Variants in PGAP1 observed in about 807,000 individuals in gnomAD.
PGAP1 encodes the protein GPI inositol-deacylase.
A neutral mutation model predicts 127.0 loss-of-function variants in PGAP1; 76 were observed. The ratio of observed to expected loss-of-function variants is 0.60; its 90% CI spans 0.50 to 0.72. The LOEUF (loss-of-function observed/expected upper bound fraction) is 0.72, where lower values mean the gene tolerates loss of function less well. PGAP1 is among the 30% of genes least tolerant of loss of function. PGAP1 has a pLI of 0.00. For synonymous variants in PGAP1, 362 were observed against 366.5 expected, an observed-to-expected ratio of 0.99 and a Z score of 0.14; for missense variants, 982 against 1,071.3, an observed-to-expected ratio of 0.92 and a Z score of 1.16.
At chr2:196,865,986 T>C (rs1176226470) in intron 19 of PGAP1, among the ~76,000 whole-genome samples, 1 of 152,100 alleles carries the variant, frequency 6.6e-6, no homozygotes, top group African/African-American at 2.4e-5. Context: ...CACAAATAAA[T>C]GGAAAAACAT....
chr2:196,885,710 A>ATGCTATATG, intron 11 of PGAP1, 124 bp downstream of exon 11: 1 of 728,956 alleles, frequency 1.4e-6, no homozygotes, highest in Non-Finnish European at 2.0e-6. Context: ...TTTCATTTTA[A>ATGCTATATG]AAACAATATT....
At chr2:196,890,152 C>T (rs1702052787) in intron 10 of PGAP1, among the ~76,000 whole-genome samples, 2 of 152,040 alleles carry the variant, frequency 1.3e-5, no homozygotes, top group East Asian at 3.9e-4. Context: ...CCAGGCTGGT[C>T]TCAAACTCCT....
At chr2:196,890,000 T>C (rs1028415728) in intron 10 of PGAP1, among the ~76,000 whole-genome samples, 1 of 151,948 alleles carries the variant, frequency 6.6e-6, no homozygotes, top group Admixed American at 6.6e-5. Context: ...AGTGGCGTGA[T>C]CTCAACTCAT....
In PGAP1 at chr2:196,837,770, T is replaced by C. The variant is rs957374170; in HGVS notation, c.*3464A>G. On this transcript the variant is annotated 3_prime_UTR_variant, in exon 27 of 27. Transcript: ENST00000354764. ...CACTATGCCTATTACAGTTATTTCTTCTTTTTTCCTTACTATATAATCATG... is the reference window on the plus strand; with the variant it reads ...CACTATGCCTATTACAGTTATTTCTCCTTTTTTCCTTACTATATAATCATG... 2.0e-5 allele frequency: 3 copies of C among 152,232 alleles called. No homozygotes were observed. The highest frequency in any genetic ancestry group is 4.4e-5 in the Non-Finnish European group (3 of 68,042). 9.4% of individuals were successfully genotyped at this position (152,232 alleles called of 1,614,324 possible).
intron 22 of PGAP1, 113 bp from the exon 23 acceptor site, chr2:196,846,130 C>T: frequency 1.9e-6 from 1 of 539,984 alleles, no homozygotes; most frequent in Non-Finnish European, 2.9e-6. Flanking sequence ...TATGCAAATA[C>T]ATAAGGTAAA....
chr2:196,902,459 G>C, intron 5 of PGAP1, 126 bp downstream of exon 5: 1 of 654,140 alleles, frequency 1.5e-6, no homozygotes, highest in Non-Finnish European at 2.5e-6. Flanking sequence ...ACACATGCAT[G>C]CCCACACAGC....
chr2:196,869,335 T>C (rs967177200), intron 19 of PGAP1, among the ~76,000 whole-genome samples: 5 of 151,960 alleles, frequency 3.3e-5, no homozygotes, highest in African/African-American at 9.7e-5. Context: ...ATTTAACTGG[T>C]CCCTTAACAT....
At chr2:196,888,098 CA>C (rs1278136448) in intron 10 of PGAP1, among the ~76,000 whole-genome samples, 1 of 152,166 alleles carries the variant, frequency 6.6e-6, no homozygotes, top group African/African-American at 2.4e-5. Flanking sequence ...CAAAGTCCAT[CA>C]AAACACCATG....
chr2:196,924,569 C>T (rs1703309817), intron 1 of PGAP1, among the ~76,000 whole-genome samples: 1 of 152,120 alleles, frequency 6.6e-6, no homozygotes, highest in African/African-American at 2.4e-5. Context: ...TGAATTAACA[C>T]AGCTTTTTAC....
chr2:196,845,940 C>G lies in PGAP1; in HGVS notation c.2228G>C (p.Ser743Thr). The change falls in exon 23 of 27, where the codon AGT (serine) becomes ACT (threonine). Residue 743 changes from serine (S) to threonine (T), a missense_variant. By Grantham distance (58) the Ser-to-Thr change is moderately conservative (BLOSUM62 1). Coordinates refer to ENST00000354764, the MANE Select transcript of PGAP1 (RefSeq NM_024989.4). ...PFLTIVLIIV[S>T]WTTCGALAIL... ...GGCTAGTGCTCCACAAGTTGTCCAA[C>G]TAACTATGATCAAGACAATTGTCAA... 6.2e-7 allele frequency: 1 copy of G among 1,608,750 alleles called. No individual in the cohort carries two copies. Among genetic ancestry groups the G allele is most frequent in the Non-Finnish European group, 8.5e-7 (1 of 1,176,786 alleles).
chr2:196,873,111 C>A (rs1045650256), intron 16 of PGAP1, 85 bp from the exon 17 acceptor site: 3 of 502,066 alleles, frequency 6.0e-6, no homozygotes, highest in Non-Finnish European at 1.1e-5. Context: ...ACTAATTATA[C>A]AATTGTCCAT....
Position 196,842,798 on chromosome 2 carries a change from TGGATCA to T in PGAP1, c.2547_2552del (p.Asp850_Pro851del). 6.4e-7 allele frequency: 1 copy of T among 1,572,170 alleles called. No individual in the cohort carries two copies. The highest frequency in any genetic ancestry group is 8.7e-7 in the Non-Finnish European group (1 of 1,152,928). On this transcript the variant is annotated inframe_deletion, in exon 26 of 27. Transcript: ENST00000354764. ...TAAGGATAAATGCCAAAGGTTTACA[TGGATCA>T]GGATTAAGTTTAAAATAATACCTAT... is the stretch of plus-strand genomic sequence containing the variant.
intron 10 of PGAP1, among the ~76,000 whole-genome samples, chr2:196,887,429 A>G (rs1701950598): frequency 6.6e-6 from 1 of 152,172 alleles, no homozygotes; most frequent in South Asian, 2.1e-4. Flanking sequence ...CAAAAACAGC[A>G]GTGTGACCTG....
intron 4 of PGAP1, among the ~76,000 whole-genome samples, chr2:196,904,688 A>G (rs1343103938): frequency 6.6e-6 from 1 of 152,144 alleles, no homozygotes; most frequent in Non-Finnish European, 1.5e-5. Context: ...AGATTGCGCC[A>G]CTGCACTCCA....
chr2:196,854,475 A>T (rs1260603549), intron 20 of PGAP1, among the ~76,000 whole-genome samples: 1 of 152,182 alleles, frequency 6.6e-6, no homozygotes, highest in African/African-American at 2.4e-5. Flanking sequence ...TCTTCTTTAA[A>T]GTTATATTTG....
chr2:196,860,712 A>C (rs1161127526), intron 20 of PGAP1, among the ~76,000 whole-genome samples: 1 of 152,244 alleles, frequency 6.6e-6, no homozygotes, highest in Non-Finnish European at 1.5e-5. Flanking sequence ...AAGCAATTCC[A>C]TCTATGTTCA....
At chr2:196,926,420 CA>C (rs1703362575) in intron 1 of PGAP1, 49 bp downstream of exon 1, 4 of 1,608,798 alleles carry the variant, frequency 2.5e-6, no homozygotes, top group Admixed American at 3.4e-5. Context: ...AAAAAGGCAC[CA>C]GGGGCCAGAG....
chr2:196,891,556 T>C (rs2125818247), intron 9 of PGAP1, among the ~76,000 whole-genome samples: 1 of 152,128 alleles, frequency 6.6e-6, no homozygotes, highest in East Asian at 1.9e-4. Flanking sequence ...AACCCACTAA[T>C]GGTCACTAAT....
intron 10 of PGAP1, among the ~76,000 whole-genome samples, chr2:196,886,462 T>A (rs945277269): frequency 6.6e-6 from 1 of 151,964 alleles, no homozygotes; most frequent in Admixed American, 6.6e-5. Flanking sequence ...CGCCTCGCCA[T>A]CTTTCTACAG....
Sources: allele counts gnomAD v4.1 joint callset (sites outside exome capture counted in the v4.1 genomes callset), GRCh38; gene constraint gnomAD v4.1.1; transcripts MANE v1.5; gene names NCBI Gene and HGNC (gene_info 2026-07-23, HGNC 2026-07-21).